DTX3L: variants seen among roughly 807,000 people sequenced by gnomAD.
The protein encoded by DTX3L is E3 ubiquitin-protein ligase DTX3L.
DTX3L carries 34 observed loss-of-function variants against 60.9 expected under a neutral mutation model. The ratio of observed to expected loss-of-function variants is 0.56; its 90% CI spans 0.42 to 0.74. DTX3L has a LOEUF of 0.74. Among genes scored for constraint, DTX3L ranks in the 30% least tolerant of loss-of-function variants. The pLI is 0.00. For synonymous variants in DTX3L, 290 were observed against 316.6 expected, an observed-to-expected ratio of 0.92 and a Z score of 0.89; for missense variants, 810 against 874.0, an observed-to-expected ratio of 0.93 and a Z score of 0.92.
chr3:122,569,146 G>A lies in DTX3L; in HGVS notation c.1057G>A (p.Ala353Thr). 6 of 1,614,156 alleles carry A rather than the reference G, an allele frequency of 3.7e-6. No individual in the cohort carries two copies. Among genetic ancestry groups the A allele is most frequent in the South Asian group, 1.1e-5 (1 of 91,078 alleles). The change falls in exon 3 of 5, where the codon GCC becomes ACC. Residue 353 changes from alanine (A) to threonine (T), a missense_variant. By Grantham distance (58) the Ala-to-Thr change is moderately conservative (BLOSUM62 0). Transcript: ENST00000296161. The part of the protein sequence containing the change: ...LLGTQDDISA[A>T]KQKISEAFVK... ...TGGGACCCAAGATGACATTTCAGCT[G>A]CCAAACAAAAAATCTCTGAAGCTTT...
At position 122,565,473 on chromosome 3, in the gene DTX3L, C is replaced by T. The variant is rs530618909; in HGVS notation, c.188-386C>T. Among the ~76,000 whole-genome samples, 3 of 128,736 alleles carry T rather than the reference C, an allele frequency of 2.3e-5. No homozygotes were observed. In the East Asian group the frequency reaches 7.5e-4, roughly 32 times the overall value. The allele number at this position is 128,736 out of a possible 152,430, so 84.5% of individuals were successfully genotyped here. A position where few individuals can be genotyped will look rare whatever the true frequency, so the allele number is the denominator to read the frequency against. On this transcript the variant is annotated intron_variant, in intron 1 of 4. Coordinates refer to ENST00000296161, the MANE Select transcript of DTX3L (RefSeq NM_138287.3). The stretch of plus-strand genomic sequence containing the variant: ...AGGTTGCAGTGAGACGAGGTCCTAC[C>T]ATTGCACTCCAGCCTGGGTGACAGA...
At position 122,569,618 on chromosome 3, in the gene DTX3L, G is replaced by T. The variant is rs769432160; in HGVS notation, c.1529G>T (p.Gly510Val). Residue 510 changes from glycine to valine, a missense_variant, in exon 3 of 5, where the codon GGA becomes GTA. Physicochemically the swap from Gly to Val is moderately radical, Grantham distance 109. Coordinates refer to ENST00000296161, the MANE Select transcript of DTX3L (RefSeq NM_138287.3). ...GCGAAGCAGTATGTTCTAAAAGGAG[G>T]AGGAATGTCTTCATTGGCTGGAAAG... ...AKAKQYVLKG[G>V]GMSSLAGKKL... 1.2e-6 allele frequency: 2 copies of T among 1,614,222 alleles called. No individual in the cohort carries two copies. Among genetic ancestry groups the T allele is most frequent in the Non-Finnish European group, 1.7e-6 (2 of 1,180,042 alleles).
intron 2 of DTX3L, 59 bp from the exon 3 acceptor site, chr3:122,568,430 A>G: frequency 7.2e-7 from 1 of 1,395,054 alleles, no homozygotes; most frequent in Non-Finnish European, 9.6e-7. Context: ...CCTGAAGAGA[A>G]GATGGTAGGC....
Position 122,569,792 on chromosome 3 carries a change from T to G in DTX3L, c.1703T>G (p.Ile568Ser), listed in dbSNP as rs1173052017. Residue 568 changes from isoleucine (I) to serine (S), a missense_variant, in exon 3 of 5, where the codon ATT becomes AGT. Transcript: ENST00000296161. ...KGICVICMDTISNKKVLPKCK... is the reference protein window; with the variant it reads ...KGICVICMDTSSNKKVLPKCK... ...ATCTGTGTCATCTGTATGGACACCA[T>G]TAGTAACAAAAAAGTGCTACCAAAG... 6.2e-7 allele frequency: 1 copy of G among 1,614,156 alleles called. No individual in the cohort carries two copies. The highest frequency in any genetic ancestry group is 1.1e-5 in the South Asian group (1 of 91,076).
Position 122,572,373 on chromosome 3 carries a change from T to C in DTX3L, c.*626T>C, listed in dbSNP as rs1017574972. The C allele has an allele frequency of 1.3e-5, 2 of 152,226 alleles. No individual in the cohort carries two copies. The highest frequency in any genetic ancestry group is 4.8e-5 in the African/African-American group (2 of 41,448). The allele number at this position is 152,226 out of a possible 1,614,324, so 9.4% of individuals were successfully genotyped here. ...CTCTCGGCTGCCAATTGATCTCTTT[T>C]TCATTGCCATCTCTGGGGTGGTTCT... is the stretch of plus-strand genomic sequence containing the variant. On this transcript the variant is annotated 3_prime_UTR_variant, in exon 5 of 5. Transcript: ENST00000296161.
intron 2 of DTX3L, among the ~76,000 whole-genome samples, chr3:122,566,868 A>G (rs753260228): frequency 6.6e-6 from 1 of 152,234 alleles, no homozygotes; most frequent in Non-Finnish European, 1.5e-5. Context: ...AGAAACAGAC[A>G]ATATTAGTAA....
rs2080668085 is a variant in DTX3L, at chr3:122,574,305, A to G, written c.*2558A>G. ...CACTGATACTCTCTCTGGACAGAAA[A>G]AAGGTGAAATAAGCCTACTATAAGG... is the stretch of plus-strand genomic sequence containing the variant. On this transcript the variant is annotated 3_prime_UTR_variant, in exon 5 of 5. Transcript: ENST00000296161. 6.6e-6 allele frequency: 1 copy of G among 152,186 alleles called. No individual in the cohort carries two copies. The highest frequency in any genetic ancestry group is 1.5e-5 in the Non-Finnish European group (1 of 68,036). The allele number at this position is 152,186 out of a possible 1,614,324, so 9.4% of individuals were successfully genotyped here.
chr3:122,567,849 G>A lies in DTX3L; in HGVS notation c.400-640G>A, dbSNP rs377271038. On this transcript the variant is annotated intron_variant, in intron 2 of 4. Coordinates refer to ENST00000296161, the MANE Select transcript of DTX3L (RefSeq NM_138287.3). Reference sequence around the variant, plus strand: ...AGAACACGGATCTCTTGGCCATGGAGCTTTTAGAAATGCTCATGCCCAGGC... The same window carrying A: ...AGAACACGGATCTCTTGGCCATGGAACTTTTAGAAATGCTCATGCCCAGGC... 2.0e-4 allele frequency among the ~76,000 whole-genome samples: 31 copies of A among 152,306 alleles called. 1 individual carries two copies. In the South Asian group the frequency reaches 5.8e-3, roughly 28 times the overall value.
chr3:122,574,661 A>G lies in DTX3L; in HGVS notation c.*2914A>G, dbSNP rs1294351788. On this transcript the variant is annotated 3_prime_UTR_variant, in exon 5 of 5. Transcript: ENST00000296161. ...CAACTTGCCAAAGGTCACACAGTTAATAAGTGGAAATGCTGGGGTATGAAC... is the reference window on the plus strand; with the variant it reads ...CAACTTGCCAAAGGTCACACAGTTAGTAAGTGGAAATGCTGGGGTATGAAC... The G allele has an allele frequency of 6.6e-6, 1 of 152,348 alleles. No individual in the cohort carries two copies. Among genetic ancestry groups the G allele is most frequent in the African/African-American group, 2.4e-5 (1 of 41,476 alleles). The allele number at this position is 152,348 out of a possible 1,614,324, so 9.4% of individuals were successfully genotyped here. A position where few individuals can be genotyped will look rare whatever the true frequency, so the allele number is the denominator to read the frequency against.
At chr3:122,566,125 C>G (rs1249706863) in intron 2 of DTX3L, 55 bp downstream of exon 2, 1 of 1,500,180 alleles carries the variant, frequency 6.7e-7, no homozygotes, top group Non-Finnish European at 9.2e-7. Context: ...CAGTCACCAG[C>G]CTCATGTATT....
chr3:122,568,448 C>T (rs779316887), intron 2 of DTX3L, 41 bp from the exon 3 acceptor site: 2 of 1,502,042 alleles, frequency 1.3e-6, no homozygotes, highest in Non-Finnish European at 1.8e-6. Flanking sequence ...GGCCTGCATG[C>T]TGAGAGGTTT....
chr3:122,568,817 T>C lies in DTX3L; in HGVS notation c.728T>C (p.Phe243Ser). Residue 243 changes from phenylalanine to serine, a missense_variant, in exon 3 of 5, where the codon TTT becomes TCT. Transcript: ENST00000296161. Reference sequence around the variant, plus strand: ...TATTTTGAAGTTCCCTTGCCTTACTTTGAATACTTTAAATATATCTGTCCT... The same window carrying C: ...TATTTTGAAGTTCCCTTGCCTTACTCTGAATACTTTAAATATATCTGTCCT... ...SNYFEVPLPY[F>S]EYFKYICPDK... 4 of 1,614,108 alleles carry C rather than the reference T, an allele frequency of 2.5e-6. No individual in the cohort carries two copies. The highest frequency in any genetic ancestry group is 3.4e-6 in the Non-Finnish European group (4 of 1,180,038).
At position 122,570,354 on chromosome 3, in the gene DTX3L, T is replaced by C. The variant is rs867112700; in HGVS notation, c.1936-101T>C. Reference sequence around the variant, plus strand: ...TATGAGCATAACTTCAATACCTTTCTTGCTTTTGATTTGCTTTATCTACAA... The same window carrying C: ...TATGAGCATAACTTCAATACCTTTCCTGCTTTTGATTTGCTTTATCTACAA... On this transcript the variant is annotated intron_variant, in intron 3 of 4. Transcript: ENST00000296161. 6 of 1,188,646 alleles carry C rather than the reference T, an allele frequency of 5.0e-6. No individual in the cohort carries two copies. In the African/African-American group the frequency reaches 7.6e-5, roughly 15 times the overall value. 73.6% of individuals were successfully genotyped at this position (1,188,646 alleles called of 1,614,324 possible).
chr3:122,564,500 A>C lies in DTX3L; in HGVS notation c.74A>C (p.Lys25Thr), dbSNP rs1342422363. The C allele has an allele frequency of 1.2e-6, 2 of 1,612,622 alleles. No homozygotes were observed. The highest frequency in any genetic ancestry group is 1.7e-6 in the Non-Finnish European group (2 of 1,179,360). Residue 25 changes from lysine to threonine, a missense_variant, in exon 1 of 5, where the codon AAG becomes ACG. By Grantham distance (78) the Lys-to-Thr change is moderately conservative. Coordinates refer to ENST00000296161, the MANE Select transcript of DTX3L (RefSeq NM_138287.3). ...AAGTCCGGCCCCCGAGTACGAAGGA[A>C]GCTGGAGAGCTACTTCCAGAGCTCT... ...VYKSGPRVRR[K>T]LESYFQSSKS...
Position 122,568,518 on chromosome 3 carries a change from C to T in DTX3L, c.429C>T (p.Asn143=), listed in dbSNP as rs2080606980. Residue 143 remains asparagine, a synonymous_variant, in exon 3 of 5, where the codon AAC becomes AAT. Coordinates refer to ENST00000296161, the MANE Select transcript of DTX3L (RefSeq NM_138287.3). ...KIFLTVTADL[N]CNLFSKEQRA... ...TTCTTACTGTAACAGCTGACCTGAA[C>T]TGTAACCTGTTCTCCAAAGAGCAGA... 11 of 1,612,174 alleles carry T rather than the reference C, an allele frequency of 6.8e-6. No homozygotes were observed. The highest frequency in any genetic ancestry group is 9.3e-6 in the Non-Finnish European group (11 of 1,179,218).
Position 122,569,349 on chromosome 3 carries a change from T to C in DTX3L, c.1260T>C (p.Phe420=). 1 of 1,614,214 alleles carries C rather than the reference T, an allele frequency of 6.2e-7. No homozygotes were observed. Among genetic ancestry groups the C allele is most frequent in the Non-Finnish European group, 8.5e-7 (1 of 1,180,040 alleles). ...SEKGQKTCIL[F]ESKDRQVDLS... ...AAGGTCAGAAAACCTGCATTCTGTT[T>C]GAATCCAAGGACAGGCAGGTAGATC... Residue 420 remains phenylalanine (F), a synonymous_variant, in exon 3 of 5, where the codon TTT becomes TTC. Coordinates refer to ENST00000296161, the MANE Select transcript of DTX3L (RefSeq NM_138287.3).
At position 122,569,999 on chromosome 3, in the gene DTX3L, A is replaced by G. The variant is rs779891103; in HGVS notation, c.1910A>G (p.Tyr637Cys). 1.9e-6 allele frequency: 3 copies of G among 1,614,034 alleles called. No individual in the cohort carries two copies. Residue 637 changes from tyrosine to cysteine, a missense_variant, in exon 3 of 5, where the codon TAT becomes TGT. Physicochemically the swap from Tyr to Cys is radical, Grantham distance 194. Transcript: ENST00000296161. ...YESFGTIVIT[Y>C]SMKAGIQTEE... ...TCCTTTGGCACCATTGTGATTACTT[A>G]TTCTATGAAAGCAGGCATACAAACA...
At position 122,570,535 on chromosome 3, in the gene DTX3L, G is replaced by A. The variant is rs550090077; in HGVS notation, c.2016G>A (p.Lys672=). Residue 672 remains lysine, a synonymous_variant, in exon 4 of 5, where the codon AAG becomes AAA. Coordinates refer to ENST00000296161, the MANE Select transcript of DTX3L (RefSeq NM_138287.3). ...TGCCTGATAATAAGGAAGGAAGGAA[G>A]GTTTTGAAACTGCTTTATAGGGCCT... ...AYLPDNKEGR[K]VLKLLYRAFD... 1.9e-6 allele frequency: 3 copies of A among 1,614,146 alleles called. No homozygotes were observed. The East Asian group carries it at 6.7e-5, about 36-fold the overall frequency.
chr3:122,571,410 G>C (rs73858315), intron 4 of DTX3L, among the ~76,000 whole-genome samples: 1 of 152,110 alleles, frequency 6.6e-6, no homozygotes, highest in Admixed American at 6.5e-5. Context: ...CCTTTGATGC[G>C]AAATGTAATA....
Sources: gnomAD v4.1 joint callset for allele counts (sites outside exome capture counted in the v4.1 genomes callset) on GRCh38, gnomAD v4.1.1 for gene constraint, MANE v1.5 for transcripts, NCBI Gene and HGNC (gene_info 2026-07-23, HGNC 2026-07-21) for gene names.